The following HEATR5B variants were observed in gnomAD, a reference collection of about 807,000 sequenced individuals.
HEATR5B encodes the protein HEAT repeat-containing protein 5B.
A neutral mutation model predicts 224.1 loss-of-function variants in HEATR5B; 156 were observed. That is an observed-to-expected ratio of 0.70 (90% CI 0.61 to 0.80). The LOEUF is 0.80. Ranked by LOEUF, HEATR5B falls within the 30% of genes least tolerant of loss-of-function variation. The pLI, the probability that HEATR5B is intolerant of heterozygous loss-of-function variation, is 0.00. For synonymous variants in HEATR5B, 1,027 were observed against 893.0 expected (o/e 1.15, Z -2.68); for missense variants, 2,323 against 2,535.5 (o/e 0.92, Z 1.80).
intron 33 of HEATR5B, among the ~76,000 whole-genome samples, chr2:36,999,636 G>A (rs1046295608): frequency 6.6e-6 from 1 of 151,602 alleles, no homozygotes; most frequent in African/African-American, 2.4e-5. Context: ...CTGAGATCGT[G>A]CCAGTGAACT....
chr2:37,015,124 A>C (rs1250311511), intron 26 of HEATR5B, among the ~76,000 whole-genome samples: 4 of 152,254 alleles, frequency 2.6e-5, no homozygotes, highest in African/African-American at 9.6e-5. Flanking sequence ...TAATTCTAGC[A>C]GGAGGAATGG....
chr2:37,072,226 T>G lies in HEATR5B; in HGVS notation c.653A>C (p.Asn218Thr). 6.2e-7 allele frequency: 1 copy of G among 1,613,864 alleles called. No homozygotes were observed. Among genetic ancestry groups the G allele is most frequent in the East Asian group, 2.2e-5 (1 of 44,874 alleles). Residue 218 changes from asparagine (N) to threonine (T), a missense_variant, in exon 6 of 36, where the codon AAT (asparagine) becomes ACT (threonine). By Grantham distance (65) the Asn-to-Thr change is moderately conservative. This residue lies in a region of HEATR5B where 292 missense variants were observed against 332.6 expected (regional missense o/e 0.88). Transcript: ENST00000233099. The part of the protein sequence containing the change: ...AVFMWTAELE[N>T]IATLCFKALE... Reference sequence around the variant, plus strand: ...AGCCTTAAAGCAGAGAGTGGCTATATTTTCTAGTTCAGCAGTCCACATAAA... The same window carrying G: ...AGCCTTAAAGCAGAGAGTGGCTATAGTTTCTAGTTCAGCAGTCCACATAAA...
At chr2:37,081,107 G>A (rs1018666272) in intron 2 of HEATR5B, among the ~76,000 whole-genome samples, 15 of 152,216 alleles carry the variant, frequency 9.9e-5, no homozygotes, top group African/African-American at 3.6e-4. Flanking sequence ...TGGGCAATCT[G>A]TCATCAGTAA....
intron 17 of HEATR5B, among the ~76,000 whole-genome samples, chr2:37,051,983 C>G (rs1204545085): frequency 2.0e-5 from 3 of 151,924 alleles, no homozygotes; most frequent in Non-Finnish European, 4.4e-5. Flanking sequence ...CAGGTGATCC[C>G]CCCGCCTCGG....
At chr2:37,023,342 T>C (rs1293461003) in intron 24 of HEATR5B, among the ~76,000 whole-genome samples, 3 of 152,220 alleles carry the variant, frequency 2.0e-5, no homozygotes, top group African/African-American at 7.2e-5. Context: ...TATCTATGGT[T>C]CAGCCTGATC....
rs773610263 is a variant in HEATR5B at position 36,981,626 on chromosome 2, G to A, written c.6080C>T (p.Ala2027Val). Residue 2027 changes from alanine (A) to valine (V), a missense_variant, in exon 36 of 36, where the codon GCT (alanine) becomes GTT (valine). By Grantham distance (64) the Ala-to-Val change is moderately conservative (BLOSUM62 0). Transcript: ENST00000233099. ...TAGACGCACTTTCAACTCAGGAGCA[G>A]CCCCCATTACTGTCTTGAAAGCATG... is the stretch of plus-strand genomic sequence containing the variant. ...YPHAFKTVMGAAPELKVRLET... is the reference protein window; with the variant it reads ...YPHAFKTVMGVAPELKVRLET... 6.8e-6 allele frequency: 11 copies of A among 1,614,048 alleles called. No homozygotes were observed. The African/African-American group carries it at 1.3e-4, about 20-fold the overall frequency.
chr2:37,011,877 G>C (rs1369077718), intron 27 of HEATR5B, among the ~76,000 whole-genome samples: 3 of 152,048 alleles, frequency 2.0e-5, no homozygotes, highest in African/African-American at 7.2e-5. Flanking sequence ...TTTTTCACTA[G>C]ACTACAGGCC....
At chr2:37,064,408 TC>T (rs1289545005) in intron 10 of HEATR5B, among the ~76,000 whole-genome samples, 1 of 149,856 alleles carries the variant, frequency 6.7e-6, no homozygotes, top group Admixed American at 6.7e-5. Flanking sequence ...CAACCCATCC[TC>T]CCCAGTAGCT....
At chr2:37,064,436 C>G (rs1671465753) in intron 10 of HEATR5B, among the ~76,000 whole-genome samples, 1 of 151,778 alleles carries the variant, frequency 6.6e-6, no homozygotes. Context: ...ATGAAGTTGG[C>G]TAACTTTTTT....
At chr2:37,020,605 A>C in intron 25 of HEATR5B, 50 bp downstream of exon 25, 1 of 1,374,802 alleles carries the variant, frequency 7.3e-7, no homozygotes, top group Non-Finnish European at 9.8e-7. Flanking sequence ...CTTCTTCAGC[A>C]ATCTTTCAAA....
At chr2:37,050,394 A>G (rs1185363606) in intron 17 of HEATR5B, among the ~76,000 whole-genome samples, 1 of 152,166 alleles carries the variant, frequency 6.6e-6, no homozygotes, top group African/African-American at 2.4e-5. Context: ...CCTAAGAGAC[A>G]CTTGCGGGGA....
intron 27 of HEATR5B, among the ~76,000 whole-genome samples, chr2:37,009,177 G>A (rs1393880063): frequency 7.0e-6 from 1 of 143,386 alleles, no homozygotes; most frequent in Non-Finnish European, 1.5e-5. Flanking sequence ...GGAATCGCTT[G>A]AACCAGGGAG....
chr2:36,996,891 C>T (rs573498721), intron 33 of HEATR5B, among the ~76,000 whole-genome samples: 1 of 152,122 alleles, frequency 6.6e-6, no homozygotes, highest in South Asian at 2.1e-4. Context: ...TGTGCTTGGC[C>T]TAATTTTTGT....
intron 4 of HEATR5B, 109 bp downstream of exon 4, chr2:37,076,802 G>T: frequency 1.3e-6 from 1 of 746,648 alleles, no homozygotes; most frequent in Non-Finnish European, 2.2e-6. Flanking sequence ...TTACCTCCTT[G>T]CTAAGCAATA....
At chr2:37,047,019 G>A in intron 18 of HEATR5B, among the ~76,000 whole-genome samples, 1 of 103,254 alleles carries the variant, frequency 9.7e-6, no homozygotes. Flanking sequence ...ATCTGCAACA[G>A]AACCAGACTC....
chr2:37,051,924 G>C (rs930872417), intron 17 of HEATR5B, among the ~76,000 whole-genome samples: 13 of 152,046 alleles, frequency 8.6e-5, no homozygotes, highest in Non-Finnish European at 1.5e-4. Flanking sequence ...ATTTTTAGTA[G>C]AGATGGAGTT....
At chr2:37,036,002 G>A (rs527243949) in intron 21 of HEATR5B, among the ~76,000 whole-genome samples, 4 of 152,062 alleles carry the variant, frequency 2.6e-5, no homozygotes, top group Non-Finnish European at 4.4e-5. Flanking sequence ...CCCACTAAGA[G>A]CCAATTAATG....
chr2:36,988,535 C>A (rs1346141214), intron 35 of HEATR5B, 111 bp downstream of exon 35: 1 of 904,494 alleles, frequency 1.1e-6, no homozygotes, highest in Non-Finnish European at 1.7e-6. Context: ...GCTGGGACTC[C>A]CAAAGTGTAA....
At chr2:37,037,723 A>G (rs1206797962) in intron 21 of HEATR5B, 132 bp downstream of exon 21, 2 of 449,468 alleles carry the variant, frequency 4.4e-6, no homozygotes, top group Non-Finnish European at 7.7e-6. Context: ...ATTATTATAT[A>G]CTGTAGGCTT....
Sources: gnomAD v4.1 joint callset for allele counts (sites outside exome capture counted in the v4.1 genomes callset) on GRCh38, gnomAD v4.1.1 for gene constraint, gnomAD v4.1.1 regional missense constraint, MANE v1.5 for transcripts, NCBI Gene and HGNC (gene_info 2026-07-23, HGNC 2026-07-21) for gene names.